The following PTPN2 variants were observed in gnomAD, a reference collection of about 807,000 sequenced individuals.
PTPN2 encodes tyrosine-protein phosphatase non-receptor type 2.
PTPN2 carries 19 observed loss-of-function variants against 57.3 expected under a neutral mutation model. That is an observed-to-expected ratio of 0.33 (90% CI 0.23 to 0.49). The LOEUF (loss-of-function observed/expected upper bound fraction) is 0.49. PTPN2 is among the 20% of genes least tolerant of loss of function. The pLI is 0.99. For synonymous variants in PTPN2, 153 were observed against 164.9 expected (o/e 0.93, Z 0.55); for missense variants, 358 against 501.1 (o/e 0.71, Z 2.73).
chr18:12,857,903 A>G (rs2043649653), intron 2 of PTPN2, among the ~76,000 whole-genome samples: 1 of 152,236 alleles, frequency 6.6e-6, no homozygotes, highest in South Asian at 2.1e-4. Flanking sequence ...AACAAACATG[A>G]AAGATTTTCA....
intron 4 of PTPN2, among the ~76,000 whole-genome samples, chr18:12,828,932 T>A (rs1039052764): frequency 3.3e-5 from 5 of 152,046 alleles, no homozygotes; most frequent in Non-Finnish European, 7.4e-5. Context: ...AGGGTCTCGC[T>A]CTGTCCCCAG....
intron 5 of PTPN2, among the ~76,000 whole-genome samples, chr18:12,820,137 A>AT (rs1568110686): frequency 1.3e-5 from 2 of 152,122 alleles, no homozygotes; most frequent in African/African-American, 4.8e-5. Flanking sequence ...AGTGGTCTCA[A>AT]CTTTTTTCAC....
At chr18:12,803,926 A>AT (rs1223574929) in intron 7 of PTPN2, among the ~76,000 whole-genome samples, 1 of 152,028 alleles carries the variant, frequency 6.6e-6, no homozygotes, top group African/African-American at 2.4e-5. Flanking sequence ...CAGAATACAC[A>AT]TTTTTCTCAT....
intron 1 of PTPN2, among the ~76,000 whole-genome samples, chr18:12,868,413 C>G (rs2044068981): frequency 6.6e-6 from 1 of 151,916 alleles, no homozygotes; most frequent in Non-Finnish European, 1.5e-5. Context: ...CATCACCATG[C>G]CTGGCTAATT....
At chr18:12,835,382 C>CTTTT (rs60239177) in intron 3 of PTPN2, among the ~76,000 whole-genome samples, 2 of 99,020 alleles carry the variant, frequency 2.0e-5, no homozygotes, top group African/African-American at 8.4e-5. Context: ...TCACATATGT[C>CTTTT]TTTTTTTTTT....
chr18:12,866,787 G>C (rs991432463), intron 1 of PTPN2, among the ~76,000 whole-genome samples: 2 of 152,004 alleles, frequency 1.3e-5, no homozygotes, highest in South Asian at 4.1e-4. Flanking sequence ...GGCAAATCAC[G>C]AGGTCAGGAG....
At chr18:12,867,436 G>A (rs1461523501) in intron 1 of PTPN2, among the ~76,000 whole-genome samples, 3 of 151,840 alleles carry the variant, frequency 2.0e-5, no homozygotes, top group Non-Finnish European at 4.4e-5. Flanking sequence ...ACACTCAACA[G>A]TATCAGTACT....
chr18:12,790,670 G>T (rs1192137587), downstream of PTPN2, among the ~76,000 whole-genome samples: 1 of 152,166 alleles, frequency 6.6e-6, no homozygotes, highest in African/African-American at 2.4e-5. Flanking sequence ...GAAAGCAAAG[G>T]AGTTGATATA....
chr18:12,837,293 G>A (rs984376183), intron 2 of PTPN2, among the ~76,000 whole-genome samples: 1 of 152,082 alleles, frequency 6.6e-6, no homozygotes, highest in Non-Finnish European at 1.5e-5. Context: ...GATTTCCGAG[G>A]TTACTATATT....
chr18:12,883,995 C>T lies in PTPN2; in HGVS notation c.69+78G>A. The T allele has an allele frequency of 3.1e-6, 4 of 1,300,898 alleles. No individual in the cohort carries two copies. The South Asian group carries it at 4.1e-5, about 13-fold the overall frequency. The allele number at this position is 1,300,898 out of a possible 1,614,324, so 80.6% of individuals were successfully genotyped here. On this transcript the variant is annotated intron_variant, in intron 1 of 8. Transcript: ENST00000309660. ...GGCTAGAGGCGAGAGGCGGGGGAGGCGGGAGGGACCCTGCGGACAGGGCAC... is the reference window on the plus strand; with the variant it reads ...GGCTAGAGGCGAGAGGCGGGGGAGGTGGGAGGGACCCTGCGGACAGGGCAC...
intron 5 of PTPN2, chr18:12,821,531 C>G (rs1009778492): frequency 9.2e-5 from 14 of 152,232 alleles, no homozygotes; most frequent in African/African-American, 3.4e-4. Flanking sequence ...TTGCCAGGGT[C>G]AGCATGTCAG....
intron 3 of PTPN2, among the ~76,000 whole-genome samples, chr18:12,831,995 T>G (rs1252095078): frequency 6.6e-6 from 1 of 152,202 alleles, no homozygotes; most frequent in African/African-American, 2.4e-5. Context: ...ACTATGAACA[T>G]GCATTCAACT....
downstream of PTPN2, chr18:12,787,604 A>C (rs1291547606): frequency 6.6e-6 from 1 of 152,084 alleles, no homozygotes; most frequent in Non-Finnish European, 1.5e-5. Flanking sequence ...TCACGTTATT[A>C]TTTCTTTGTA....
At chr18:12,867,601 G>A (rs1174007601) in intron 1 of PTPN2, among the ~76,000 whole-genome samples, 3 of 151,066 alleles carry the variant, frequency 2.0e-5, no homozygotes, top group African/African-American at 7.3e-5. Context: ...TTCTCCATTT[G>A]AGTCTTCCTT....
intron 2 of PTPN2, among the ~76,000 whole-genome samples, chr18:12,841,322 G>C (rs1390554267): frequency 6.6e-6 from 1 of 152,244 alleles, no homozygotes; most frequent in African/African-American, 2.4e-5. Flanking sequence ...CACGTGGGCC[G>C]TGCTACAGGC....
chr18:12,843,094 A>G (rs1264381039), intron 2 of PTPN2, among the ~76,000 whole-genome samples: 3 of 152,174 alleles, frequency 2.0e-5, no homozygotes, highest in East Asian at 1.9e-4. Context: ...TGAGGGATCT[A>G]AAGATGTGGA....
chr18:12,828,954 G>A (rs1377908895), intron 4 of PTPN2, among the ~76,000 whole-genome samples: 1 of 152,086 alleles, frequency 6.6e-6, no homozygotes, highest in Non-Finnish European at 1.5e-5. Context: ...CTGGAGTGCA[G>A]TGGCACGACC....
At position 12,884,171 on chromosome 18, in the gene PTPN2, G is replaced by A. The variant is rs1194689563; in HGVS notation, c.-30C>T. The stretch of plus-strand genomic sequence containing the variant: ...GCGGGAGCGAGCTGGCGCGAGCAGA[G>A]CCTGCGCCGGCGGAGAGGCTCAGGC... On this transcript the variant is annotated 5_prime_UTR_variant, in exon 1 of 9. Transcript: ENST00000309660. The A allele has an allele frequency of 3.2e-6, 5 of 1,553,792 alleles. No individual in the cohort carries two copies. Among genetic ancestry groups the A allele is most frequent in the African/African-American group, 1.4e-5 (1 of 72,222 alleles).
chr18:12,859,296 C>A, intron 1 of PTPN2, 42 bp from the exon 2 acceptor site: 1 of 1,351,580 alleles, frequency 7.4e-7, no homozygotes, highest in East Asian at 2.5e-5. Context: ...CTCTTAAATT[C>A]TCCACAGCAA....
Sources: allele counts gnomAD v4.1 joint callset (sites outside exome capture counted in the v4.1 genomes callset), GRCh38; gene constraint gnomAD v4.1.1; transcripts MANE v1.5; gene names NCBI Gene and HGNC (gene_info 2026-07-23, HGNC 2026-07-21).